TRO: variants seen among roughly 807,000 people sequenced by gnomAD.
TRO encodes trophinin.
In TRO, 29 loss-of-function variants were observed where a neutral mutation model predicts 42.3. The observed-to-expected ratio is 0.68, with a 90% CI of 0.51 to 0.93. The LOEUF (loss-of-function observed/expected upper bound fraction) is 0.93, where lower values mean the gene tolerates loss of function less well. Among genes scored for constraint, TRO ranks in the 40% least tolerant of loss-of-function variants. The pLI is 0.00. For missense variants in TRO, 963 were observed against 1,127.7 expected, an observed-to-expected ratio of 0.85 and a Z score of 2.09; for synonymous variants, 384 against 425.2, an observed-to-expected ratio of 0.90 and a Z score of 1.19.
At chrX:54,931,159 A>T in intron 12 of TRO, 45 bp from the exon 13 acceptor site, 3 of 1,205,354 alleles carry the variant, frequency 2.5e-6, no homozygotes, top group Non-Finnish European at 3.4e-6. Context: ...ATGAGAAGAC[A>T]GTGTATTTGG....
rs201056985 is a variant in TRO at position 54,925,575 on chromosome X, A to G, written c.1486-17A>G. Reference sequence around the variant, plus strand: ...GCTGAATTTTGTGATCTCACAGGCTATTCTTTTACTTGGCAGATGTTTCGA... The same window carrying G: ...GCTGAATTTTGTGATCTCACAGGCTGTTCTTTTACTTGGCAGATGTTTCGA... On this transcript the variant is annotated splice_polypyrimidine_tract_variant and intron_variant, in intron 6 of 12. Transcript: ENST00000173898. 2.5e-6 allele frequency: 3 copies of G among 1,197,787 alleles called. No individual in the cohort carries two copies. The highest frequency in any genetic ancestry group is 4.6e-4 in the Middle Eastern group (2 of 4,320).
At chrX:54,924,818 C>T in intron 5 of TRO, 85 bp downstream of exon 5, 1 of 1,049,848 alleles carries the variant, frequency 9.5e-7, no homozygotes, top group South Asian at 2.0e-5. Flanking sequence ...TTTATGGCCT[C>T]TTTGTTCTGT....
chrX:54,923,290 G>A lies in TRO; in HGVS notation c.758G>A (p.Arg253Gln), dbSNP rs999268113. 1.7e-5 allele frequency: 20 copies of A among 1,209,467 alleles called. No individual in the cohort carries two copies. Among genetic ancestry groups the A allele is most frequent in the African/African-American group, 3.5e-5 (2 of 57,061 alleles). The change falls in exon 3 of 13, where the codon CGA (arginine) becomes CAA (glutamine). Residue 253 changes from arginine (R) to glutamine (Q), a missense_variant. Arg to Gln is a conservative substitution (Grantham distance 43). Transcript: ENST00000173898. ...ATCCACACCACAGCAGCCTCCATCC[G>A]AACCAAGAAAGCCTCCAAAGCCAGG... The part of the protein sequence containing the change: ...ASIHTTAASI[R>Q]TKKASKARKT...
At chrX:54,927,405 G>A in intron 10 of TRO, 1 of 477,138 alleles carries the variant, frequency 2.1e-6, no homozygotes, top group Non-Finnish European at 3.7e-6. Context: ...TGATACTTTG[G>A]CCTTCCTGTG....
rs919023471 is a variant in TRO at position 54,923,583 on chromosome X, C to T, written c.1051C>T (p.Arg351Trp). The change falls in exon 3 of 13, where the codon CGG becomes TGG. Residue 351 changes from arginine (R) to tryptophan (W), a missense_variant. Physicochemically the swap from Arg to Trp is moderately radical, Grantham distance 101 (BLOSUM62 -3). This residue lies in a region of TRO where 322 missense variants were observed against 316.5 expected (regional missense o/e 1.02). Transcript: ENST00000173898. Reference sequence around the variant, plus strand: ...GGCTCGGAAGGCTGCCACTAAGGCTCGGGCAACTGAAAGCCAGACTCCAAA... The same window carrying T: ...GGCTCGGAAGGCTGCCACTAAGGCTTGGGCAACTGAAAGCCAGACTCCAAA... ...SRARKAATKA[R>W]ATESQTPNAD... 6.7e-6 allele frequency: 8 copies of T among 1,200,224 alleles called. No individual in the cohort carries two copies. The highest frequency in any genetic ancestry group is 2.2e-5 in the Admixed American group (1 of 44,624).
In TRO at chrX:54,930,750, C is replaced by T; in HGVS notation, c.4026C>T (p.Asn1342=). The T allele has an allele frequency of 8.2e-7, 1 of 1,212,272 alleles. No individual in the cohort carries two copies. Among genetic ancestry groups the T allele is most frequent in the South Asian group, 1.8e-5 (1 of 57,044 alleles). ...STIIGFGSGS[N]TSTGFTGEPS... is the part of the protein sequence containing the mutation. Reference sequence around the variant, plus strand: ...TCATTGGCTTTGGCAGTGGTTCCAACACCAGCACTGGCTTTACTGGCGAAC... The same window carrying T: ...TCATTGGCTTTGGCAGTGGTTCCAATACCAGCACTGGCTTTACTGGCGAAC... Residue 1342 remains asparagine (N), a synonymous_variant, in exon 12 of 13, where the codon AAC becomes AAT. Transcript: ENST00000173898.
In TRO at chrX:54,928,512, A is replaced by G. The variant is rs1569546340; in HGVS notation, c.1879-91A>G. 5 of 1,050,007 alleles carry G rather than the reference A, an allele frequency of 4.8e-6. No homozygotes were observed. In the African/African-American group the frequency reaches 5.7e-5, roughly 12 times the overall value. 86.5% of individuals were successfully genotyped at this position (1,050,007 alleles called of 1,213,427 possible). On this transcript the variant is annotated intron_variant, in intron 11 of 12. Coordinates refer to ENST00000173898, the MANE Select transcript of TRO (RefSeq NM_001039705.3). ...AGCCCCAATAACTGAGAAGTTTAAA[A>G]AAGTATTGCTACTAGTTTAATACAA... is the stretch of plus-strand genomic sequence containing the variant.
rs1332375862 is a variant in TRO, at chrX:54,930,772, G to A, written c.4048G>A (p.Glu1350Lys). The change falls in exon 12 of 13, where the codon GAA (glutamate) becomes AAA (lysine). Residue 1350 changes from glutamate (E) to lysine (K), a missense_variant. Glu to Lys is a moderately conservative substitution (Grantham distance 56). Transcript: ENST00000173898. ...GSNTSTGFTGEPSTSTGFSSG... is the reference protein window; with the variant it reads ...GSNTSTGFTGKPSTSTGFSSG... ...CAACACCAGCACTGGCTTTACTGGCGAACCCAGCACCAGCACGGGCTTCAG... is the reference window on the plus strand; with the variant it reads ...CAACACCAGCACTGGCTTTACTGGCAAACCCAGCACCAGCACGGGCTTCAG... 18 of 1,211,045 alleles carry A rather than the reference G, an allele frequency of 1.5e-5. No homozygotes were observed. The highest frequency in any genetic ancestry group is 2.2e-5 in the Admixed American group (1 of 45,907).
chrX:54,927,003 G>A, intron 9 of TRO, 40 bp from the exon 10 acceptor site: 3 of 1,204,876 alleles, frequency 2.5e-6, no homozygotes, highest in Non-Finnish European at 3.4e-6. Context: ...CATCTGGGCA[G>A]TTCTGATCTG....
chrX:54,930,963 T>C lies in TRO; in HGVS notation c.4239T>C (p.Ser1413=), dbSNP rs1189790982. ...GAGFGGGPST[S]AGFGSGAASL... ...GCTTTGGTGGTGGACCGAGCACCAG[T>C]GCTGGCTTTGGCAGTGGAGCCGCCA... The change falls in exon 12 of 13, where the codon AGT becomes AGC. Residue 1413 remains serine (S), a synonymous_variant. Transcript: ENST00000173898. The C allele has an allele frequency of 8.3e-7, 1 of 1,204,267 alleles. No homozygotes were observed. The highest frequency in any genetic ancestry group is 1.1e-6 in the Non-Finnish European group (1 of 890,541).
chrX:54,931,093 G>GT, intron 12 of TRO, 62 bp downstream of exon 12: 1 of 1,175,700 alleles, frequency 8.5e-7, no homozygotes, highest in Non-Finnish European at 1.1e-6. Flanking sequence ...GGGAGATGTT[G>GT]TAAGAAACAC....
At position 54,930,273 on chromosome X, in the gene TRO, C is replaced by A; in HGVS notation, c.3549C>A (p.Thr1183=). 8.3e-7 allele frequency: 1 copy of A among 1,212,108 alleles called. No homozygotes were observed. The highest frequency in any genetic ancestry group is 1.1e-6 in the Non-Finnish European group (1 of 895,493). Residue 1183 remains threonine (T), a synonymous_variant, in exon 12 of 13, where the codon ACC becomes ACA. Coordinates refer to ENST00000173898, the MANE Select transcript of TRO (RefSeq NM_001039705.3). ...PSTSACFSGA[T]SPSFCDGPST... The stretch of plus-strand genomic sequence containing the variant: ...CCAGTGCCTGCTTTAGTGGTGCTAC[C>A]AGCCCTAGTTTTTGTGATGGACCCA...
Position 54,928,779 on chromosome X carries a change from C to T in TRO, c.2055C>T (p.Ile685=). The T allele has an allele frequency of 2.5e-6, 3 of 1,210,294 alleles. No individual in the cohort carries two copies. Among genetic ancestry groups the T allele is most frequent in the Non-Finnish European group, 3.4e-6 (3 of 894,846 alleles). ...AGPWNWDDMD[I]DCLTREELGD... ...CCTGGAATTGGGATGACATGGATATCGACTGCCTAACAAGGGAAGAGTTAG... is the reference window on the plus strand; with the variant it reads ...CCTGGAATTGGGATGACATGGATATTGACTGCCTAACAAGGGAAGAGTTAG... Residue 685 remains isoleucine, a synonymous_variant, in exon 12 of 13, where the codon ATC becomes ATT. Coordinates refer to ENST00000173898, the MANE Select transcript of TRO (RefSeq NM_001039705.3).
rs12835366 is a variant in TRO at position 54,921,942 on chromosome X, G to T, written c.-44-261G>T. 8 of 263,480 alleles carry T rather than the reference G, an allele frequency of 3.0e-5. No homozygotes were observed. The East Asian group carries it at 4.8e-4, about 16-fold the overall frequency. The allele number at this position is 263,480 out of a possible 1,213,427, so 21.7% of individuals were successfully genotyped here. On this transcript the variant is annotated intron_variant, in intron 1 of 12. Coordinates refer to ENST00000173898, the MANE Select transcript of TRO (RefSeq NM_001039705.3). The stretch of plus-strand genomic sequence containing the variant: ...TCTTTTGGGATAGAGGTGGGCCTAA[G>T]ATGGGGGGTGGGGGCGCCTCTAGTC...
In TRO at chrX:54,922,774, A is replaced by G; in HGVS notation, c.242A>G (p.Lys81Arg). ...TKKAPIKTIT[K>R]AAPAAPPVPA... ...AAGGCCCCTATAAAGACTATTACTA[A>G]GGCTGCACCTGCTGCCCCTCCAGTC... The change falls in exon 3 of 13, where the codon AAG (lysine) becomes AGG (arginine). Residue 81 changes from lysine (K) to arginine (R), a missense_variant. Physicochemically the swap from Lys to Arg is conservative, Grantham distance 26 (BLOSUM62 2). Transcript: ENST00000173898. 1 of 1,204,903 alleles carries G rather than the reference A, an allele frequency of 8.3e-7. No individual in the cohort carries two copies. The highest frequency in any genetic ancestry group is 1.7e-5 in the African/African-American group (1 of 57,649).
rs777932391 is a variant in TRO at position 54,930,383 on chromosome X, G to A, written c.3659G>A (p.Gly1220Asp). ...GGACTGAACACCAGTGCTGGCTTTG[G>A]TGGTGGCCTAGGCACCAGTGCTGGC... The part of the protein sequence containing the change: ...GGGLNTSAGF[G>D]GGLGTSAGFS... Residue 1220 changes from glycine to aspartate, a missense_variant, in exon 12 of 13, where the codon GGT becomes GAT. Gly to Asp is a moderately conservative substitution (Grantham distance 94). This residue lies in a region of TRO where 641 missense variants were observed against 811.3 expected (regional missense o/e 0.79). Transcript: ENST00000173898. The A allele has an allele frequency of 2.5e-6, 3 of 1,211,327 alleles. No homozygotes were observed. Among genetic ancestry groups the A allele is most frequent in the South Asian group, 3.5e-5 (2 of 56,905 alleles).
Position 54,928,925 on chromosome X carries a change from G to A in TRO, c.2201G>A (p.Ser734Asn). Residue 734 changes from serine (S) to asparagine (N), a missense_variant, in exon 12 of 13, where the codon AGC (serine) becomes AAC (asparagine). Ser to Asn is a conservative substitution (Grantham distance 46, BLOSUM62 1). Transcript: ENST00000173898. ...GGAGCTAGTACCAGGGCTGGCTTCA[G>A]CGATGGTGCTAGTATTAGCTTCAAT... ...SRGASTRAGF[S>N]DGASISFNGA... 8.3e-7 allele frequency: 1 copy of A among 1,211,418 alleles called. No homozygotes were observed. The highest frequency in any genetic ancestry group is 1.1e-6 in the Non-Finnish European group (1 of 895,170).
In TRO at chrX:54,930,955, A is replaced by G. The variant is rs1602161892; in HGVS notation, c.4231A>G (p.Ser1411Gly). 8.3e-7 allele frequency: 1 copy of G among 1,198,763 alleles called. No individual in the cohort carries two copies. Among genetic ancestry groups the G allele is most frequent in the Non-Finnish European group, 1.1e-6 (1 of 889,003 alleles). ...NTGAGFGGGP[S>G]TSAGFGSGAA... ...TGGTGCTGGCTTTGGTGGTGGACCG[A>G]GCACCAGTGCTGGCTTTGGCAGTGG... is the stretch of plus-strand genomic sequence containing the variant. Residue 1411 changes from serine to glycine, a missense_variant, in exon 12 of 13, where the codon AGC becomes GGC. By Grantham distance (56) the Ser-to-Gly change is moderately conservative (BLOSUM62 0). Around this residue, in one of 2 missense-constraint regions of TRO, gnomAD observed 641 missense variants for 811.3 expected, o/e 0.79. Coordinates refer to ENST00000173898, the MANE Select transcript of TRO (RefSeq NM_001039705.3).
Position 54,929,308 on chromosome X carries a change from G to A in TRO, c.2584G>A (p.Val862Ile), listed in dbSNP as rs1259628144. The stretch of plus-strand genomic sequence containing the variant: ...CAGCACCACGGCTGGCTTTAGTGGT[G>A]TACTCAGCACTAGCACCAGCTTTGG... ...TLSTTAGFSG[V>I]LSTSTSFGSA... Residue 862 changes from valine (V) to isoleucine (I), a missense_variant, in exon 12 of 13, where the codon GTA becomes ATA. By Grantham distance (29) the Val-to-Ile change is conservative. Transcript: ENST00000173898. The A allele has an allele frequency of 5.0e-6, 6 of 1,210,673 alleles. No individual in the cohort carries two copies. In the Admixed American group the frequency reaches 6.5e-5, roughly 13 times the overall value.
Sources: gnomAD v4.1 joint callset for allele counts on GRCh38, gnomAD v4.1.1 for gene constraint, gnomAD v4.1.1 regional missense constraint, MANE v1.5 for transcripts, NCBI Gene and HGNC (gene_info 2026-07-23, HGNC 2026-07-21) for gene names.